PROSER1: variants seen among roughly 807,000 people sequenced by gnomAD.
PROSER1 encodes proline and serine-rich protein 1.
PROSER1 carries 36 observed loss-of-function variants against 71.8 expected under a neutral mutation model. That is an observed-to-expected ratio of 0.50 (90% CI 0.38 to 0.66). PROSER1 has a LOEUF of 0.66. Ranked by LOEUF, PROSER1 falls within the 30% of genes least tolerant of loss-of-function variation. The probability of loss-of-function intolerance (pLI) is 0.00; values close to 1 mark genes in which losing one functional copy is unlikely to be tolerated. For missense variants in PROSER1, 1,107 were observed against 1,135.0 expected, an observed-to-expected ratio of 0.98 and a Z score of 0.35; for synonymous variants, 490 against 452.4, an observed-to-expected ratio of 1.08 and a Z score of -1.06.
Position 39,022,406 on chromosome 13 carries a change from T to C in PROSER1, c.650A>G (p.Tyr217Cys), listed in dbSNP as rs761646502. 1 of 1,610,872 alleles carries C rather than the reference T, an allele frequency of 6.2e-7. No homozygotes were observed. The change falls in exon 9 of 13, where the codon TAT (tyrosine) becomes TGT (cysteine). Residue 217 changes from tyrosine (Y) to cysteine (C), a missense_variant. By Grantham distance (194) the Tyr-to-Cys change is radical (BLOSUM62 -2). Coordinates refer to ENST00000352251, the MANE Select transcript of PROSER1 (RefSeq NM_025138.5). ...TAATGGTACCAGACCTGCATTGTTA[T>C]AAGCACCTAAAATAAAAACACAATA... Reference protein sequence around the residue: ...RPHATIAPSAYNNAGLVPLAN... With the variant: ...RPHATIAPSACNNAGLVPLAN...
chr13:39,011,628 A>T, intron 12 of PROSER1, 141 bp from the exon 13 acceptor site: 3 of 781,036 alleles, frequency 3.8e-6, no homozygotes, highest in Non-Finnish European at 5.8e-6. Context: ...AAGTCTGCTC[A>T]GTCACTTAAA....
Position 39,023,118 on chromosome 13 carries a change from A to G in PROSER1, c.577T>C (p.Tyr193His). 1.2e-6 allele frequency: 2 copies of G among 1,612,828 alleles called. No individual in the cohort carries two copies. Among genetic ancestry groups the G allele is most frequent in the Non-Finnish European group, 8.5e-7 (1 of 1,178,992 alleles). ...TAAGGAACAGGTTTATGTGGATTAT[A>G]TGTTGAAGGAGGCTAAAACATGGGG... Reference protein sequence around the residue: ...LGPSKPPPSTYNPHKPVPYPI... With the variant: ...LGPSKPPPSTHNPHKPVPYPI... The change falls in exon 8 of 13, where the codon TAT (tyrosine) becomes CAT (histidine). Residue 193 changes from tyrosine (Y) to histidine (H), a missense_variant. By Grantham distance (83) the Tyr-to-His change is moderately conservative. Coordinates refer to ENST00000352251, the MANE Select transcript of PROSER1 (RefSeq NM_025138.5).
intron 9 of PROSER1, 43 bp from the exon 10 acceptor site, chr13:39,017,587 A>G (rs1191140758): frequency 9.7e-7 from 1 of 1,034,338 alleles, no homozygotes; most frequent in South Asian, 1.5e-5. Flanking sequence ...CTTTAATCAA[A>G]TATTTGCCAC....
intron 6 of PROSER1, 45 bp downstream of exon 6, chr13:39,026,232 C>T (rs752266372): frequency 1.6e-6 from 2 of 1,232,874 alleles, no homozygotes; most frequent in South Asian, 1.2e-5. Flanking sequence ...ACACTTCATA[C>T]TTAACCATGA....
At chr13:39,018,468 A>C (rs1870110582) in intron 9 of PROSER1, among the ~76,000 whole-genome samples, 1 of 136,096 alleles carries the variant, frequency 7.3e-6, no homozygotes, top group Non-Finnish European at 1.6e-5. Flanking sequence ...GGACTTTTAA[A>C]ACCCGACACA....
rs1172340179 is a variant in PROSER1 at position 39,026,310 on chromosome 13, T to C, written c.447A>G (p.Lys149=). The C allele has an allele frequency of 2.5e-6, 4 of 1,612,632 alleles. No individual in the cohort carries two copies. Among genetic ancestry groups the C allele is most frequent in the Non-Finnish European group, 3.4e-6 (4 of 1,179,428 alleles). The part of the protein sequence containing the change: ...CGTIPGNPYP[K]GRPSRINGIF... ...TTCCATTTATGCGGCTAGGTCTTCC[T>C]TTGGGATATGGATTTCCTGGGATTG... The change falls in exon 6 of 13, where the codon AAA becomes AAG. Residue 149 remains lysine (K), a synonymous_variant. Transcript: ENST00000352251.
At chr13:39,034,972 C>A (rs934164462) in intron 1 of PROSER1, among the ~76,000 whole-genome samples, 1 of 152,192 alleles carries the variant, frequency 6.6e-6, no homozygotes, top group Admixed American at 6.5e-5. Context: ...CACATGCTCC[C>A]CTTGCAGCTA....
In PROSER1 at chr13:39,013,447, G is replaced by C. The variant is rs1244195578; in HGVS notation, c.1805C>G (p.Thr602Ser). The change falls in exon 11 of 13, where the codon ACT becomes AGT. Residue 602 changes from threonine to serine, a missense_variant. Coordinates refer to ENST00000352251, the MANE Select transcript of PROSER1 (RefSeq NM_025138.5). ...LHISSTPAAT[T>S]LPVMIKTEPT... ...CTCAGTTTTGATCATAACAGGAAGA[G>C]TTGTTGCAGCAGGGGTAGATGAAAT... The C allele has an allele frequency of 6.2e-7, 1 of 1,614,168 alleles. No homozygotes were observed. The highest frequency in any genetic ancestry group is 1.3e-5 in the African/African-American group (1 of 75,042).
chr13:39,023,436 A>G, intron 7 of PROSER1: 1 of 222,516 alleles, frequency 4.5e-6, no homozygotes. Context: ...GCCTAAGTTA[A>G]ACCAAGAATT....
chr13:39,023,205 T>C (rs1242836163), intron 7 of PROSER1, 75 bp from the exon 8 acceptor site: 3 of 1,102,158 alleles, frequency 2.7e-6, no homozygotes. Flanking sequence ...TCTTTCAAAA[T>C]ATTTAGTCCT....
chr13:39,017,605 AAC>A, intron 9 of PROSER1, 61 bp from the exon 10 acceptor site: 1 of 887,206 alleles, frequency 1.1e-6, no homozygotes, highest in South Asian at 1.6e-5. Context: ...CACCATAATA[AAC>A]AGATATTTGG....
chr13:39,032,924 T>G (rs901108033), intron 2 of PROSER1, among the ~76,000 whole-genome samples: 12 of 147,560 alleles, frequency 8.1e-5, no homozygotes, highest in African/African-American at 2.9e-4. Context: ...AACATTTAAT[T>G]TTTTTTTTTT....
intron 5 of PROSER1, among the ~76,000 whole-genome samples, chr13:39,027,684 A>C (rs934352692): frequency 1.3e-5 from 2 of 152,240 alleles, no homozygotes; most frequent in Admixed American, 6.5e-5. Context: ...CCAGGCTCAT[A>C]ATTAATTAAT....
rs578054786 is a variant in PROSER1 at position 39,037,655 on chromosome 13, G to A, written c.-413C>T. 35 of 161,798 alleles carry A rather than the reference G, an allele frequency of 2.2e-4. No individual in the cohort carries two copies. Among genetic ancestry groups the A allele is most frequent in the African/African-American group, 6.9e-4 (29 of 41,762 alleles). 10.0% of individuals were successfully genotyped at this position (161,798 alleles called of 1,614,324 possible). A position where few individuals can be genotyped will look rare whatever the true frequency, so the allele number is the denominator to read the frequency against. ...TTTCCCAGGTGGAGCGGCCGGCAGA[G>A]TAGAAACACCTGCGCTCAGAGTCCA... On this transcript the variant is annotated 5_prime_UTR_variant, in exon 1 of 13. Transcript: ENST00000352251.
Position 39,026,393 on chromosome 13 carries a change from A to AT in PROSER1, c.370-7dup. The AT allele has an allele frequency of 6.3e-7, 1 of 1,591,560 alleles. No individual in the cohort carries two copies. The highest frequency in any genetic ancestry group is 1.1e-5 in the South Asian group (1 of 88,734). ...TTGCAGCCCCCCTTGAAAGCCTGTA[A>AT]TATAAGAAAGAAGAGGGGTAGGAAA... On this transcript the variant is annotated splice_region_variant and splice_polypyrimidine_tract_variant and intron_variant, in intron 5 of 12. Coordinates refer to ENST00000352251, the MANE Select transcript of PROSER1 (RefSeq NM_025138.5).
intron 3 of PROSER1, among the ~76,000 whole-genome samples, chr13:39,030,775 C>G (rs1234566803): frequency 6.6e-6 from 1 of 152,098 alleles, no homozygotes; most frequent in African/African-American, 2.4e-5. Flanking sequence ...TGCTCTCCCT[C>G]TCAAGAGCAA....
At position 39,011,333 on chromosome 13, in the gene PROSER1, T is replaced by G; in HGVS notation, c.*32A>C. ...TTGCAGTTCTCAGGCAATTCTGATG[T>G]TGCTCTGAAGGAGAATAAAAGTTAA... On this transcript the variant is annotated 3_prime_UTR_variant, in exon 13 of 13. Transcript: ENST00000352251. The G allele has an allele frequency of 6.2e-7, 1 of 1,609,576 alleles. No individual in the cohort carries two copies. Among genetic ancestry groups the G allele is most frequent in the Non-Finnish European group, 8.5e-7 (1 of 1,176,956 alleles).
chr13:39,028,398 CA>C, intron 4 of PROSER1, 78 bp from the exon 5 acceptor site: 1 of 750,984 alleles, frequency 1.3e-6, no homozygotes. Context: ...GTTTACCACA[CA>C]AACATCTGAG....
At chr13:39,024,754 TC>T (rs1870466615) in intron 6 of PROSER1, among the ~76,000 whole-genome samples, 198 bp from the exon 7 acceptor site, 1 of 152,054 alleles carries the variant, frequency 6.6e-6, no homozygotes, top group Admixed American at 6.6e-5. Context: ...TATGGAACTC[TC>T]ATATCACATG....
Sources: gnomAD v4.1 joint callset for allele counts (sites outside exome capture counted in the v4.1 genomes callset) on GRCh38, gnomAD v4.1.1 for gene constraint, MANE v1.5 for transcripts, NCBI Gene and HGNC (gene_info 2026-07-23, HGNC 2026-07-21) for gene names.